The following KIDINS220 variants were observed in gnomAD, a reference collection of about 807,000 sequenced individuals.
The protein encoded by KIDINS220 is kinase D-interacting substrate of 220 kDa.
KIDINS220 carries 63 observed loss-of-function variants against 157.6 expected under a neutral mutation model. The observed-to-expected ratio is 0.40, with a 90% CI of 0.33 to 0.49. The LOEUF is 0.49. KIDINS220 is among the 20% of genes least tolerant of loss of function. The pLI, the probability that KIDINS220 is intolerant of heterozygous loss-of-function variation, is 0.66. For missense variants in KIDINS220, 1,772 were observed against 2,171.2 expected, an observed-to-expected ratio of 0.82 and a Z score of 3.65; for synonymous variants, 732 against 783.6, an observed-to-expected ratio of 0.93 and a Z score of 1.10.
chr2:8,737,451 C>CT (rs1360862840), intron 26 of KIDINS220, among the ~76,000 whole-genome samples: 18 of 152,210 alleles, frequency 1.2e-4, no homozygotes, highest in Non-Finnish European at 1.9e-4. Flanking sequence ...AATTAAGCAA[C>CT]TTTGAGTGTT....
intron 6 of KIDINS220, among the ~76,000 whole-genome samples, chr2:8,811,111 C>A (rs1460767231): frequency 6.6e-6 from 1 of 152,084 alleles, no homozygotes; most frequent in African/African-American, 2.4e-5. Context: ...AAAGGTTAAA[C>A]AATACTGTTG....
chr2:8,824,198 A>T (rs1678416823), intron 2 of KIDINS220, among the ~76,000 whole-genome samples: 1 of 152,206 alleles, frequency 6.6e-6, no homozygotes, highest in African/African-American at 2.4e-5. Context: ...TTGCATAAGT[A>T]TTCAATAAAA....
intron 2 of KIDINS220, among the ~76,000 whole-genome samples, chr2:8,819,312 A>C (rs1677557315): frequency 6.6e-6 from 1 of 152,184 alleles, no homozygotes; most frequent in African/African-American, 2.4e-5. Flanking sequence ...CATTAAACTA[A>C]ATAAAGCTCC....
In KIDINS220 at chr2:8,729,033, C is replaced by T. The variant is rs1441326294; in HGVS notation, c.*1687G>A. 2.0e-6 allele frequency: 2 copies of T among 982,320 alleles called. No individual in the cohort carries two copies. The highest frequency in any genetic ancestry group is 3.5e-5 in the African/African-American group (2 of 57,136). The allele number at this position is 982,320 out of a possible 1,614,324, so 60.9% of individuals were successfully genotyped here. ...AATGTACTCCAATGATATTACGCGG[C>T]AACTACTCACCTGAAAAAGAAAACA... is the stretch of plus-strand genomic sequence containing the variant. On this transcript the variant is annotated 3_prime_UTR_variant, in exon 30 of 30. Transcript: ENST00000256707.
intron 22 of KIDINS220, among the ~76,000 whole-genome samples, chr2:8,767,832 T>C (rs1669676476): frequency 6.6e-6 from 1 of 152,194 alleles, no homozygotes; most frequent in Admixed American, 6.5e-5. Flanking sequence ...AAATAACAGG[T>C]CTATTAAAGT....
intron 22 of KIDINS220, among the ~76,000 whole-genome samples, chr2:8,762,565 G>A (rs997606412): frequency 2.6e-5 from 4 of 151,932 alleles, no homozygotes; most frequent in Non-Finnish European, 5.9e-5. Context: ...GTGAAACCCC[G>A]TCTCTATTAA....
intron 26 of KIDINS220, among the ~76,000 whole-genome samples, chr2:8,738,665 G>A (rs1333155926): frequency 6.6e-6 from 1 of 152,194 alleles, no homozygotes; most frequent in Non-Finnish European, 1.5e-5. Flanking sequence ...CCTTAAAAGT[G>A]TTAATTAAGG....
At chr2:8,817,163 A>T (rs1178388534) in intron 4 of KIDINS220, among the ~76,000 whole-genome samples, 2 of 152,242 alleles carry the variant, frequency 1.3e-5, no homozygotes, top group Admixed American at 6.5e-5. Flanking sequence ...TAAGGATCAC[A>T]TCTTGTTAAA....
At chr2:8,817,739 TATC>T in intron 3 of KIDINS220, 23 bp from the exon 4 acceptor site, 1 of 1,523,328 alleles carries the variant, frequency 6.6e-7, no homozygotes, top group Non-Finnish European at 8.9e-7. Context: ...TTTTAAAAGT[TATC>T]ATTTTCAAAC....
At chr2:8,727,065 C>T (rs1028516762), downstream of KIDINS220, 1 of 963,354 alleles carries the variant, frequency 1.0e-6, no homozygotes, top group Non-Finnish European at 1.4e-6. Flanking sequence ...TGGCTGTTGT[C>T]TATACGTTTC....
At chr2:8,734,508 G>C (rs1032553014) in intron 28 of KIDINS220, 147 bp downstream of exon 28, 12 of 583,306 alleles carry the variant, frequency 2.1e-5, no homozygotes, top group Middle Eastern at 4.5e-4. Flanking sequence ...ATAAGTGTAA[G>C]AAGCAGTTTT....
rs766287444 is a variant in KIDINS220, at chr2:8,827,140, A to G, written c.-36-11T>C. The G allele has an allele frequency of 2.0e-6, 2 of 979,116 alleles. No homozygotes were observed. The highest frequency in any genetic ancestry group is 3.1e-6 in the Non-Finnish European group (2 of 639,930). 60.7% of individuals were successfully genotyped at this position (979,116 alleles called of 1,614,324 possible). On this transcript the variant is annotated splice_polypyrimidine_tract_variant and intron_variant, in intron 1 of 29. Transcript: ENST00000256707. The stretch of plus-strand genomic sequence containing the variant: ...ACTTTATTTGAATACCTGTTAAATT[A>G]GACAAAATACACATAATTTATAATT...
intron 10 of KIDINS220, among the ~76,000 whole-genome samples, chr2:8,797,203 G>A (rs963124844): frequency 2.6e-5 from 4 of 152,188 alleles, no homozygotes; most frequent in East Asian, 3.9e-4. Flanking sequence ...TCTCCCCACC[G>A]ACCAACCCAC....
rs979675422 is a variant in KIDINS220 at position 8,812,666 on chromosome 2, T to A, written c.406-173A>T. Among the ~76,000 whole-genome samples the A allele has an allele frequency of 3.3e-5, 5 of 152,332 alleles. No individual in the cohort carries two copies. The South Asian group carries it at 6.2e-4, about 19-fold the overall frequency. On this transcript the variant is annotated intron_variant, in intron 5 of 29. Transcript: ENST00000256707. ...AAGTAACACAAAGTAATGTTTTTTT[T>A]AAATCAGATTACAAACCATTCTCCA...
intron 22 of KIDINS220, among the ~76,000 whole-genome samples, chr2:8,769,090 T>C (rs1221230565): frequency 6.6e-6 from 1 of 152,168 alleles, no homozygotes; most frequent in East Asian, 1.9e-4. Context: ...TTTAAAGTAA[T>C]GAGTTGGTTT....
chr2:8,826,738 G>C (rs1335988394), intron 2 of KIDINS220: 1 of 262,620 alleles, frequency 3.8e-6, no homozygotes, highest in Non-Finnish European at 7.1e-6. Flanking sequence ...CAAGCTTCCT[G>C]AATATTAATT....
At chr2:8,724,591 G>A (rs1394067126), downstream of KIDINS220, 1 of 152,038 alleles carries the variant, frequency 6.6e-6, no homozygotes, top group Non-Finnish European at 1.5e-5. The surrounding 1 kb of genome is among the most constrained non-coding windows in gnomAD (Gnocchi z 4.6). Flanking sequence ...CACTCTCAGA[G>A]TTGCCCCCCT....
intron 22 of KIDINS220, among the ~76,000 whole-genome samples, chr2:8,766,096 A>G (rs1357295404): frequency 3.3e-5 from 5 of 152,072 alleles, no homozygotes; most frequent in Non-Finnish European, 5.9e-5. Flanking sequence ...AGACCCTGCA[A>G]CGAATCCCCA....
At chr2:8,827,627 T>C (rs1679002416) in intron 1 of KIDINS220, among the ~76,000 whole-genome samples, 1 of 152,128 alleles carries the variant, frequency 6.6e-6, no homozygotes, top group African/African-American at 2.4e-5. Flanking sequence ...TGCGTCACTA[T>C]CATCGCTTCC....
Sources: gnomAD v4.1 joint callset for allele counts (sites outside exome capture counted in the v4.1 genomes callset) on GRCh38, gnomAD v4.1.1 for gene constraint, Gnocchi (gnomAD v3.1) non-coding constraint, MANE v1.5 for transcripts, NCBI Gene and HGNC (gene_info 2026-07-23, HGNC 2026-07-21) for gene names.